Variants in ADAMTS6 observed in about 807,000 individuals in gnomAD.
ADAMTS6 encodes A disintegrin and metalloproteinase with thrombospondin motifs 6.
A neutral mutation model predicts 144.3 loss-of-function variants in ADAMTS6; 23 were observed. The observed-to-expected ratio is 0.16, with a 90% CI of 0.11 to 0.23. ADAMTS6 has a LOEUF of 0.23. Ranked by LOEUF, ADAMTS6 falls within the 10% of genes least tolerant of loss-of-function variation. ADAMTS6 has a pLI of 1.00. For missense variants in ADAMTS6, 999 were observed against 1,379.6 expected, an observed-to-expected ratio of 0.72 and a Z score of 4.37; for synonymous variants, 444 against 457.5, an observed-to-expected ratio of 0.97 and a Z score of 0.38.
At chr5:65,178,344 T>G (rs929468125) in intron 22 of ADAMTS6, among the ~76,000 whole-genome samples, 15 of 152,208 alleles carry the variant, frequency 9.9e-5, no homozygotes, top group African/African-American at 3.6e-4. Context: ...ACCACATCAA[T>G]TTAAAGCTTG....
At chr5:65,384,111 T>C (rs1561486941) in intron 7 of ADAMTS6, among the ~76,000 whole-genome samples, 1 of 152,220 alleles carries the variant, frequency 6.6e-6, no homozygotes, top group Non-Finnish European at 1.5e-5. Context: ...TTTAGGGTCA[T>C]TCTTTCGTTG....
intron 7 of ADAMTS6, among the ~76,000 whole-genome samples, chr5:65,412,701 T>A (rs1580646710): frequency 6.6e-6 from 1 of 151,946 alleles, no homozygotes; most frequent in Non-Finnish European, 1.5e-5. Context: ...AAAACTTTGG[T>A]CAAAAACAAA....
At chr5:65,331,082 A>T (rs111586864) in intron 8 of ADAMTS6, among the ~76,000 whole-genome samples, 8 of 152,188 alleles carry the variant, frequency 5.3e-5, no homozygotes, top group African/African-American at 1.4e-4. Context: ...ATATTTTTTT[A>T]AAAATTGCAT....
At chr5:65,201,076 C>G (rs1302177913) in intron 20 of ADAMTS6, among the ~76,000 whole-genome samples, 1 of 152,152 alleles carries the variant, frequency 6.6e-6, no homozygotes, top group Non-Finnish European at 1.5e-5. Context: ...ACTGCTCTAG[C>G]TACATATCAA....
chr5:65,433,463 C>A (rs1757149938), intron 7 of ADAMTS6, among the ~76,000 whole-genome samples: 1 of 152,156 alleles, frequency 6.6e-6, no homozygotes, highest in South Asian at 2.1e-4. Flanking sequence ...TGCAGCATAT[C>A]TATTGAATAA....
intron 7 of ADAMTS6, among the ~76,000 whole-genome samples, chr5:65,401,750 C>T (rs1310372139): frequency 6.6e-6 from 1 of 152,164 alleles, no homozygotes; most frequent in African/African-American, 2.4e-5. Flanking sequence ...GATCTCACTT[C>T]TCTTATAGAT....
intron 21 of ADAMTS6, among the ~76,000 whole-genome samples, chr5:65,196,318 C>T (rs1023233043): frequency 5.5e-4 from 84 of 151,760 alleles, no homozygotes; most frequent in Non-Finnish European, 1.8e-4. Context: ...GGGCGGATCA[C>T]GAGGTGATCC....
intron 18 of ADAMTS6, among the ~76,000 whole-genome samples, chr5:65,223,849 G>C (rs1457803975): frequency 6.6e-6 from 1 of 150,944 alleles, no homozygotes; most frequent in African/African-American, 2.4e-5. Context: ...CCCCAGGCTG[G>C]AGTGCAGTGG....
At chr5:65,361,746 T>C (rs897987762) in intron 7 of ADAMTS6, among the ~76,000 whole-genome samples, 5 of 152,212 alleles carry the variant, frequency 3.3e-5, no homozygotes, top group Middle Eastern at 3.4e-3. Flanking sequence ...TTTTCTTTTT[T>C]TTTTTGAAAC....
At chr5:65,377,209 AT>A (rs1561480929) in intron 7 of ADAMTS6, among the ~76,000 whole-genome samples, 2 of 152,154 alleles carry the variant, frequency 1.3e-5, no homozygotes, top group Non-Finnish European at 2.9e-5. Context: ...TTCTCTCTCC[AT>A]TTTTATATTT....
chr5:65,375,625 A>AAG (rs1751455064), intron 7 of ADAMTS6, among the ~76,000 whole-genome samples: 1 of 151,370 alleles, frequency 6.6e-6, no homozygotes. Context: ...GGGCTGAAGA[A>AAG]GATGTGGAGA....
At chr5:65,314,535 TC>T (rs1744804767) in intron 9 of ADAMTS6, among the ~76,000 whole-genome samples, 1 of 151,930 alleles carries the variant, frequency 6.6e-6, no homozygotes, top group South Asian at 2.1e-4. Flanking sequence ...CAACTACAGA[TC>T]CAGGAAGGGA....
intron 7 of ADAMTS6, among the ~76,000 whole-genome samples, chr5:65,350,855 C>T (rs985824589): frequency 1.6e-4 from 25 of 152,040 alleles, no homozygotes; most frequent in Admixed American, 4.6e-4. Context: ...ACCATGTTGG[C>T]GAAGCTGGTC....
intron 24 of ADAMTS6, among the ~76,000 whole-genome samples, chr5:65,159,710 T>A (rs1255786071): frequency 6.6e-6 from 1 of 152,176 alleles, no homozygotes; most frequent in Non-Finnish European, 1.5e-5. Context: ...TACTAAACCT[T>A]TGAGAACAGG....
chr5:65,459,584 T>TAGAAA (rs1333981651), intron 4 of ADAMTS6, among the ~76,000 whole-genome samples: 1 of 152,232 alleles, frequency 6.6e-6, no homozygotes, highest in Non-Finnish European at 1.5e-5. Context: ...TCATAAACAC[T>TAGAAA]ATTTCCTCTA....
intron 8 of ADAMTS6, among the ~76,000 whole-genome samples, chr5:65,332,310 T>TAGAGAGAG (rs200599386): frequency 7.0e-5 from 8 of 113,584 alleles, no homozygotes; most frequent in Non-Finnish European, 1.4e-4. Flanking sequence ...TATATATATA[T>TAGAGAGAG]ATAGAGAGAG....
intron 21 of ADAMTS6, among the ~76,000 whole-genome samples, chr5:65,195,062 C>A (rs6883354): frequency 0.74 from 112,904 of 152,082 alleles, 42,327 homozygotes; most frequent in African/African-American, 0.83. Context: ...GATGCCTTCA[C>A]AGGCTGATCA....
intron 9 of ADAMTS6, among the ~76,000 whole-genome samples, chr5:65,316,055 G>A (rs1389318643): frequency 6.6e-6 from 1 of 152,142 alleles, no homozygotes; most frequent in Non-Finnish European, 1.5e-5. Context: ...GGGACTACAG[G>A]CACCTGCTGT....
chr5:65,351,956 C>T (rs1748894343), intron 7 of ADAMTS6, among the ~76,000 whole-genome samples: 1 of 152,182 alleles, frequency 6.6e-6, no homozygotes, highest in African/African-American at 2.4e-5. Context: ...AAGTCACCCA[C>T]TACTATCACA....
Sources: gnomAD v4.1 joint callset for allele counts (sites outside exome capture counted in the v4.1 genomes callset) on GRCh38, gnomAD v4.1.1 for gene constraint, MANE v1.5 for transcripts, NCBI Gene and HGNC (gene_info 2026-07-23, HGNC 2026-07-21) for gene names.